Variants in VAV2 observed in about 807,000 individuals in gnomAD.
VAV2 encodes the protein guanine nucleotide exchange factor VAV2.
Under a neutral mutation model 132.5 loss-of-function variants are expected in VAV2, and 67 were observed. The observed-to-expected ratio is 0.51, with a 90% CI of 0.42 to 0.62. The LOEUF is 0.62. Among genes scored for constraint, VAV2 ranks in the 20% least tolerant of loss-of-function variants. VAV2 has a pLI of 0.00. For synonymous variants in VAV2, 492 were observed against 443.5 expected (o/e 1.11, Z -1.37); for missense variants, 938 against 1,153.6 (o/e 0.81, Z 2.71).
At position 133,834,192 on chromosome 9, in the gene VAV2, C is replaced by T; in HGVS notation, c.449+80G>A. The T allele has an allele frequency of 6.7e-7, 1 of 1,497,882 alleles. No individual in the cohort carries two copies. Among genetic ancestry groups the T allele is most frequent in the Non-Finnish European group, 9.1e-7 (1 of 1,103,378 alleles). 92.8% of individuals were successfully genotyped at this position (1,497,882 alleles called of 1,614,324 possible). ...TGCCTGCACTGTGGCCGCCATGTTT[C>T]CTCCTGACTCCCTGGACACCACCAG... On this transcript the variant is annotated intron_variant, in intron 4 of 29. Coordinates refer to ENST00000371850, the MANE Select transcript of VAV2 (RefSeq NM_001134398.2). The surrounding 1 kb of genome is among the most constrained non-coding windows in gnomAD (Gnocchi z 5.9).
intron 12 of VAV2, 139 bp from the exon 13 acceptor site, chr9:133,792,008 AATGAG>A: frequency 3.0e-5 from 5 of 164,662 alleles, no homozygotes; most frequent in African/African-American, 1.9e-4. Flanking sequence ...ACTGTGTGTG[AATGAG>A]CTGTGCTGGG....
At chr9:133,845,653 G>A (rs1045506217) in intron 3 of VAV2, among the ~76,000 whole-genome samples, 1 of 152,216 alleles carries the variant, frequency 6.6e-6, no homozygotes, top group Non-Finnish European at 1.5e-5. Flanking sequence ...AGGATCGGCT[G>A]TGACAGGGAC....
chr9:133,882,561 A>C (rs551642652), intron 2 of VAV2, among the ~76,000 whole-genome samples: 1 of 152,226 alleles, frequency 6.6e-6, no homozygotes, highest in African/African-American at 2.4e-5. Flanking sequence ...GAGAAAGGGG[A>C]GGCCATGTGA....
In VAV2 at chr9:133,768,701, C is replaced by T; in HGVS notation, c.2435-105G>A. 1 of 1,377,676 alleles carries T rather than the reference C, an allele frequency of 7.3e-7. No individual in the cohort carries two copies. The highest frequency in any genetic ancestry group is 1.4e-5 in the African/African-American group (1 of 69,238). The allele number at this position is 1,377,676 out of a possible 1,614,324, so 85.3% of individuals were successfully genotyped here. A position where few individuals can be genotyped will look rare whatever the true frequency, so the allele number is the denominator to read the frequency against. On this transcript the variant is annotated intron_variant, in intron 28 of 29. Transcript: ENST00000371850. This position sits in a 1 kb window ranked among gnomAD's most constrained non-coding sequence, Gnocchi z 5.3. ...GGTCTCTCCCCTGGTGCCCAGAACC[C>T]TGCTCTGTACCCAGAGAGGAAGGAT...
At chr9:133,941,570 A>G (rs1192425505) in intron 1 of VAV2, among the ~76,000 whole-genome samples, 1 of 149,020 alleles carries the variant, frequency 6.7e-6, no homozygotes, top group Non-Finnish European at 1.5e-5. Context: ...AAGAATACAG[A>G]CATGAAAGGA....
chr9:133,770,792 C>A (rs1833595362), intron 26 of VAV2, among the ~76,000 whole-genome samples: 1 of 152,206 alleles, frequency 6.6e-6, no homozygotes, highest in South Asian at 2.1e-4. Flanking sequence ...ACACTCTGTA[C>A]CCAGCACTTG....
At chr9:133,797,682 G>A (rs1834772703) in intron 10 of VAV2, 28 bp downstream of exon 10, 2 of 1,601,556 alleles carry the variant, frequency 1.2e-6, no homozygotes, top group Non-Finnish European at 1.7e-6. Flanking sequence ...TGGAGCCAGG[G>A]CCAGGGCCAA....
chr9:133,803,920 C>G (rs777815589), intron 9 of VAV2, among the ~76,000 whole-genome samples: 1 of 152,198 alleles, frequency 6.6e-6, no homozygotes, highest in South Asian at 2.1e-4. Context: ...CTCCCCAACC[C>G]GCCTCGCCCC....
chr9:133,954,350 T>C (rs1262121436), intron 1 of VAV2, among the ~76,000 whole-genome samples: 1 of 152,216 alleles, frequency 6.6e-6, no homozygotes, highest in Non-Finnish European at 1.5e-5. Context: ...TCTGTCACCA[T>C]GGGGCGGCAA....
intron 22 of VAV2, 120 bp downstream of exon 22, chr9:133,778,642 T>G (rs1292993121): frequency 7.0e-7 from 1 of 1,426,098 alleles, no homozygotes; most frequent in African/African-American, 1.4e-5. Flanking sequence ...TCCTCCTCCC[T>G]GGTGGTCTCT....
rs932761454 is a variant in VAV2, at chr9:133,912,709, G to A, written c.321+26394C>T. On this transcript the variant is annotated intron_variant, in intron 2 of 29. Coordinates refer to ENST00000371850, the MANE Select transcript of VAV2 (RefSeq NM_001134398.2). The surrounding 1 kb of genome is among the most constrained non-coding windows in gnomAD (Gnocchi z 4.3). Reference sequence around the variant, plus strand: ...GCCATCCTCAGGGGCTGCAGTCACCGGTGGTTGACTATTAGGGGGGATAGT... The same window carrying A: ...GCCATCCTCAGGGGCTGCAGTCACCAGTGGTTGACTATTAGGGGGGATAGT... 2.6e-5 allele frequency among the ~76,000 whole-genome samples: 4 copies of A among 152,164 alleles called. No homozygotes were observed. Among genetic ancestry groups the A allele is most frequent in the South Asian group, 2.1e-4 (1 of 4,822 alleles).
chr9:133,797,960 G>A (rs1834787140), intron 9 of VAV2, 151 bp from the exon 10 acceptor site: 1 of 656,668 alleles, frequency 1.5e-6, no homozygotes, highest in Admixed American at 3.1e-5. Context: ...ACATTCAACG[G>A]CCAGGAGGCT....
At chr9:133,838,802 G>C (rs372221118) in intron 3 of VAV2, among the ~76,000 whole-genome samples, 1 of 136,894 alleles carries the variant, frequency 7.3e-6, no homozygotes, top group East Asian at 2.4e-4. Context: ...TGAGTGGGTG[G>C]GTAGATGGAT....
chr9:133,899,063 C>T (rs1222206579), intron 2 of VAV2, among the ~76,000 whole-genome samples: 12 of 151,904 alleles, frequency 7.9e-5, no homozygotes, highest in East Asian at 2.0e-4. Flanking sequence ...CCTCGTGATC[C>T]GCCCGCCTCG....
At chr9:133,801,331 T>C (rs1834921080) in intron 9 of VAV2, among the ~76,000 whole-genome samples, 1 of 152,204 alleles carries the variant, frequency 6.6e-6, no homozygotes, top group African/African-American at 2.4e-5. Flanking sequence ...GAAACACCAC[T>C]GTCACCACAG....
At chr9:133,925,085 T>C (rs147771288) in intron 2 of VAV2, among the ~76,000 whole-genome samples, 163 of 152,344 alleles carry the variant, frequency 1.1e-3, no homozygotes, top group African/African-American at 3.9e-3. Context: ...GGAAATGGGA[T>C]TTTGTTTCAG....
chr9:133,929,048 C>T (rs1840582344), intron 2 of VAV2, among the ~76,000 whole-genome samples: 1 of 152,230 alleles, frequency 6.6e-6, no homozygotes, highest in Non-Finnish European at 1.5e-5. Context: ...CCGCCCACAG[C>T]CCTCGGCATG....
At chr9:133,770,745 A>G (rs2488558) in intron 26 of VAV2, among the ~76,000 whole-genome samples, 150,438 of 152,330 alleles carry the variant, frequency 0.99, 74,313 homozygotes, top group South Asian at 1. Flanking sequence ...CAGCACGGAC[A>G]CTGACTGCAA....
intron 2 of VAV2, among the ~76,000 whole-genome samples, chr9:133,902,224 G>A (rs2157835): frequency 6.6e-5 from 10 of 152,132 alleles, no homozygotes; most frequent in African/African-American, 2.2e-4. Context: ...GGGCATCTGC[G>A]TCGGACGTGT....
Sources: gnomAD v4.1 joint callset for allele counts (sites outside exome capture counted in the v4.1 genomes callset) on GRCh38, gnomAD v4.1.1 for gene constraint, Gnocchi (gnomAD v3.1) non-coding constraint, MANE v1.5 for transcripts, NCBI Gene and HGNC (gene_info 2026-07-23, HGNC 2026-07-21) for gene names.